Variants in ITPR2 observed in about 807,000 individuals in gnomAD.
ITPR2 encodes the protein inositol 1,4,5-trisphosphate receptor type 2, also known as inositol 1,4,5-trisphosphate-gated calcium channel ITPR2.
Under a neutral mutation model 317.1 loss-of-function variants are expected in ITPR2, and 207 were observed. The observed-to-expected ratio is 0.65, with a 90% confidence interval of 0.58 to 0.73. The LOEUF (loss-of-function observed/expected upper bound fraction) is 0.73, where lower values mean the gene tolerates loss of function less well. ITPR2 is among the 30% of genes least tolerant of loss of function. The probability of loss-of-function intolerance (pLI) is 0.00; values close to 1 mark genes in which losing one functional copy is unlikely to be tolerated. For synonymous variants in ITPR2, 1,156 were observed against 1,149.1 expected, an observed-to-expected ratio of 1.01 and a Z score of -0.12; for missense variants, 2,613 against 3,284.0, an observed-to-expected ratio of 0.80 and a Z score of 4.99.
chr12:26,462,757 C>T (rs1221835024), intron 45 of ITPR2, among the ~76,000 whole-genome samples: 13 of 151,758 alleles, frequency 8.6e-5, no homozygotes, highest in African/African-American at 3.1e-4. Context: ...CGGCAACCTC[C>T]GCCTCCCGGG....
intron 8 of ITPR2, among the ~76,000 whole-genome samples, chr12:26,712,266 C>T (rs1342553541): frequency 6.6e-6 from 1 of 152,194 alleles, no homozygotes; most frequent in Non-Finnish European, 1.5e-5. Flanking sequence ...GACTCTCCCT[C>T]AGCACATTAC....
chr12:26,578,199 C>T (rs1945319408), intron 34 of ITPR2, among the ~76,000 whole-genome samples: 1 of 135,084 alleles, frequency 7.4e-6, no homozygotes, highest in Non-Finnish European at 1.7e-5. Flanking sequence ...TCTCTCGACA[C>T]CCCACCCCCA....
rs1283747907 is a variant in ITPR2, at chr12:26,339,365, T to C, written c.*32A>G. The C allele has an allele frequency of 6.4e-7, 1 of 1,558,610 alleles. No homozygotes were observed. The highest frequency in any genetic ancestry group is 8.8e-7 in the Non-Finnish European group (1 of 1,130,282). On this transcript the variant is annotated 3_prime_UTR_variant, in exon 57 of 57. Coordinates refer to ENST00000381340, the MANE Select transcript of ITPR2 (RefSeq NM_002223.4). ...ATTCAGTGATCAGGCAGGACACTGA[T>C]GAAAGGCTAGTCACGGCTTCCCCCC...
At chr12:26,803,441 A>T (rs563391847) in intron 1 of ITPR2, among the ~76,000 whole-genome samples, 1 of 152,354 alleles carries the variant, frequency 6.6e-6, no homozygotes, top group African/African-American at 2.4e-5. Flanking sequence ...GAGGTAAGTG[A>T]TGATATAGCA....
chr12:26,625,323 A>G (rs11829723), intron 23 of ITPR2, among the ~76,000 whole-genome samples: 4 of 152,272 alleles, frequency 2.6e-5, no homozygotes, highest in African/African-American at 9.6e-5. Context: ...TAATAACTAA[A>G]TGACTATAAT....
intron 13 of ITPR2, among the ~76,000 whole-genome samples, chr12:26,674,943 A>G (rs1008659403): frequency 6.6e-6 from 1 of 152,026 alleles, no homozygotes; most frequent in African/African-American, 2.4e-5. Context: ...AACACATGAA[A>G]AAATGCTCAC....
intron 45 of ITPR2, among the ~76,000 whole-genome samples, chr12:26,470,438 G>A (rs1189222729): frequency 6.6e-6 from 1 of 152,042 alleles, no homozygotes; most frequent in African/African-American, 2.4e-5. Context: ...TAATATGACT[G>A]ACAAAGAGTT....
chr12:26,492,897 G>GTA (rs1942840885), intron 39 of ITPR2, among the ~76,000 whole-genome samples: 2 of 64,724 alleles, frequency 3.1e-5, no homozygotes, highest in South Asian at 6.4e-4. Context: ...TGCACGATAT[G>GTA]TGTGTGTGTA....
intron 52 of ITPR2, among the ~76,000 whole-genome samples, chr12:26,409,653 G>C: frequency 6.6e-6 from 1 of 152,006 alleles, no homozygotes; most frequent in East Asian, 1.9e-4. Context: ...TAAAACTAGA[G>C]CAAGTCATAT....
chr12:26,710,061 C>T, intron 9 of ITPR2, among the ~76,000 whole-genome samples: 1 of 152,134 alleles, frequency 6.6e-6, no homozygotes, highest in Non-Finnish European at 1.5e-5. Context: ...TGGCAAAACC[C>T]CTTCTCTACT....
At chr12:26,542,172 G>A (rs1944281714) in intron 37 of ITPR2, among the ~76,000 whole-genome samples, 1 of 152,192 alleles carries the variant, frequency 6.6e-6, no homozygotes, top group African/African-American at 2.4e-5. Context: ...AGTTAATAAC[G>A]ACTCAGACCG....
intron 46 of ITPR2, 152 bp from the exon 47 acceptor site, chr12:26,439,471 T>C (rs760654329): frequency 2.6e-5 from 14 of 531,790 alleles, no homozygotes; most frequent in Non-Finnish European, 4.6e-5. Context: ...CCCTTTTTAC[T>C]ATACTACTTT....
In ITPR2 at chr12:26,408,552, A is replaced by C. The variant is rs527571461; in HGVS notation, c.7399+2768T>G. On this transcript the variant is annotated intron_variant, in intron 52 of 56. Coordinates refer to ENST00000381340, the MANE Select transcript of ITPR2 (RefSeq NM_002223.4). The stretch of plus-strand genomic sequence containing the variant: ...TCTCACACTATGAATGACCTGGAAG[A>C]CCTCATTCTAGGAGAGTGGCCCTGG... Among the ~76,000 whole-genome samples the C allele has an allele frequency of 6.6e-5, 10 of 152,182 alleles. No individual in the cohort carries two copies. In the South Asian group the frequency reaches 2.1e-3, roughly 32 times the overall value.
intron 2 of ITPR2, among the ~76,000 whole-genome samples, chr12:26,786,864 G>A (rs951337302): frequency 3.3e-5 from 5 of 152,340 alleles, no homozygotes; most frequent in East Asian, 3.9e-4. Flanking sequence ...GAACTGAGGT[G>A]CAGCTGAACT....
intron 15 of ITPR2, among the ~76,000 whole-genome samples, chr12:26,661,961 C>A (rs1172416231): frequency 6.6e-6 from 1 of 152,150 alleles, no homozygotes; most frequent in African/African-American, 2.4e-5. Context: ...CCAATGAAGT[C>A]CGGAAAAATA....
At chr12:26,667,305 C>A (rs1439677768) in intron 13 of ITPR2, among the ~76,000 whole-genome samples, 1 of 152,184 alleles carries the variant, frequency 6.6e-6, no homozygotes, top group African/African-American at 2.4e-5. Flanking sequence ...CTTCCTGCAG[C>A]CAAGTGGACA....
rs957061346 is a variant in ITPR2, at chr12:26,339,304, A to G, written c.*93T>C. On this transcript the variant is annotated 3_prime_UTR_variant, in exon 57 of 57. Transcript: ENST00000381340. ...CTTGGTTGTTTTTAACTTTTCAACA[A>G]TAGGCACTGTTCACTCCCCTCCATC... The G allele has an allele frequency of 6.5e-6, 7 of 1,073,614 alleles. No individual in the cohort carries two copies. In the South Asian group the frequency reaches 6.8e-5, roughly 10 times the overall value. 66.5% of individuals were successfully genotyped at this position (1,073,614 alleles called of 1,614,324 possible).
chr12:26,379,372 G>A (rs567707334), intron 55 of ITPR2, among the ~76,000 whole-genome samples: 1 of 152,274 alleles, frequency 6.6e-6, no homozygotes, highest in South Asian at 2.1e-4. Flanking sequence ...GTTGTTAGTG[G>A]CATGATTAGT....
chr12:26,563,917 G>A (rs1944883264), intron 34 of ITPR2, among the ~76,000 whole-genome samples: 1 of 152,110 alleles, frequency 6.6e-6, no homozygotes, highest in African/African-American at 2.4e-5. Context: ...GGATCACAAG[G>A]AAAACCAATA....
Sources: allele counts gnomAD v4.1 joint callset (sites outside exome capture counted in the v4.1 genomes callset), GRCh38; gene constraint gnomAD v4.1.1; transcripts MANE v1.5; gene names NCBI Gene and HGNC (gene_info 2026-07-23, HGNC 2026-07-21).